Variants in TRABD2A observed in about 807,000 individuals in gnomAD.
TRABD2A encodes metalloprotease TIKI1.
TRABD2A carries 43 observed loss-of-function variants against 45.6 expected under a neutral mutation model. The observed-to-expected ratio is 0.94, with a 90% CI of 0.74 to 1.22. TRABD2A has a LOEUF of 1.22. Among genes scored for constraint, TRABD2A ranks in the 50% most tolerant of loss-of-function variants. TRABD2A has a pLI of 0.00. For synonymous variants in TRABD2A, 269 were observed against 265.0 expected, an observed-to-expected ratio of 1.02 and a Z score of -0.15; for missense variants, 642 against 652.4, an observed-to-expected ratio of 0.98 and a Z score of 0.17.
intron 1 of TRABD2A, among the ~76,000 whole-genome samples, chr2:84,873,370 A>G (rs1309697620): frequency 6.6e-6 from 1 of 152,092 alleles, no homozygotes; most frequent in Non-Finnish European, 1.5e-5. Context: ...CAGTGAGCCA[A>G]GATCCCGCCA....
intron 2 of TRABD2A, among the ~76,000 whole-genome samples, chr2:84,847,849 C>T (rs1231891013): frequency 1.3e-5 from 2 of 152,176 alleles, no homozygotes; most frequent in Admixed American, 6.5e-5. Flanking sequence ...AAAGTGTTGA[C>T]GAGGTCATGC....
At chr2:84,834,413 AAC>A (rs1370960889) in intron 4 of TRABD2A, 2 of 152,252 alleles carry the variant, frequency 1.3e-5, no homozygotes, top group Non-Finnish European at 2.9e-5. Context: ...ATATTTCTAT[AAC>A]AGTTTTATTA....
rs1401657848 is a variant in TRABD2A at position 84,830,329 on chromosome 2, C to T, written c.1082+1726G>A. Among the ~76,000 whole-genome samples, 1 of 152,098 alleles carries T rather than the reference C, an allele frequency of 6.6e-6. No individual in the cohort carries two copies. Among genetic ancestry groups the T allele is most frequent in the Non-Finnish European group, 1.5e-5 (1 of 68,012 alleles). On this transcript the variant is annotated intron_variant, in intron 5 of 6. Transcript: ENST00000409520. The surrounding 1 kb of genome is among the most constrained non-coding windows in gnomAD (Gnocchi z 4.9). ...AGGGCTCCTCAGAAGGGGGAAGTAG[C>T]GTCAGTAAAGGAGAGGCGGGGACGG...
intron 2 of TRABD2A, among the ~76,000 whole-genome samples, chr2:84,848,914 T>C (rs531632612): frequency 1.8e-4 from 28 of 152,038 alleles, no homozygotes; most frequent in African/African-American, 6.0e-4. Context: ...AAGCAGGAAA[T>C]AAAAAGCCCA....
chr2:84,865,507 T>A (rs1399853828), intron 2 of TRABD2A, among the ~76,000 whole-genome samples: 2 of 152,172 alleles, frequency 1.3e-5, no homozygotes, highest in African/African-American at 2.4e-5. Context: ...AGGCTTTGCA[T>A]GTGGAAAGCA....
chr2:84,856,960 G>T (rs1682331925), intron 2 of TRABD2A, among the ~76,000 whole-genome samples: 1 of 152,194 alleles, frequency 6.6e-6, no homozygotes, highest in African/African-American at 2.4e-5. Flanking sequence ...GACCCAACAG[G>T]ACTGTGACCT....
chr2:84,861,298 C>T (rs1682489900), intron 2 of TRABD2A, among the ~76,000 whole-genome samples: 1 of 152,164 alleles, frequency 6.6e-6, no homozygotes, highest in South Asian at 2.1e-4. Flanking sequence ...AAGAATTCTA[C>T]AACTCTCCAT....
chr2:84,866,501 C>A (rs927927974), intron 2 of TRABD2A, among the ~76,000 whole-genome samples: 1 of 152,112 alleles, frequency 6.6e-6, no homozygotes, highest in Non-Finnish European at 1.5e-5. Context: ...GAAAAAAAAT[C>A]TTTGTCTATA....
At chr2:84,875,159 G>A (rs1682987181) in intron 1 of TRABD2A, 1 of 163,840 alleles carries the variant, frequency 6.1e-6, no homozygotes, top group East Asian at 1.9e-4. Context: ...ATGTAAGCCA[G>A]AAAAGGGACA....
At chr2:84,880,789 C>G in intron 1 of TRABD2A, 143 bp downstream of exon 1, 1 of 1,278,964 alleles carries the variant, frequency 7.8e-7, no homozygotes, top group Non-Finnish European at 1.1e-6. Context: ...GGAGAGCGAG[C>G]AAGGAGCGCC....
Position 84,830,628 on chromosome 2 carries a change from A to G in TRABD2A, c.1082+1427T>C, listed in dbSNP as rs1681299741. On this transcript the variant is annotated intron_variant, in intron 5 of 6. Coordinates refer to ENST00000409520, the MANE Select transcript of TRABD2A (RefSeq NM_001277053.2). The surrounding 1 kb of genome is among the most constrained non-coding windows in gnomAD (Gnocchi z 4.9). ...AAGCCAAAAGCCTGGTGGAGAAGGA[A>G]AATGAGCAGTCTCACATCAGCGCTT... Among the ~76,000 whole-genome samples, 1 of 152,190 alleles carries G rather than the reference A, an allele frequency of 6.6e-6. No individual in the cohort carries two copies. Among genetic ancestry groups the G allele is most frequent in the South Asian group, 2.1e-4 (1 of 4,826 alleles).
At chr2:84,835,070 T>G (rs990647128) in intron 4 of TRABD2A, 3 of 152,238 alleles carry the variant, frequency 2.0e-5, no homozygotes, top group South Asian at 2.1e-4. Context: ...ATCTTTTTTA[T>G]TATAGCCTAG....
At chr2:84,832,190 A>G in intron 4 of TRABD2A, 45 bp from the exon 5 acceptor site, 1 of 1,587,002 alleles carries the variant, frequency 6.3e-7, no homozygotes, top group African/African-American at 1.3e-5. Context: ...TCTCAGGACC[A>G]CCAAACATAC....
intron 2 of TRABD2A, among the ~76,000 whole-genome samples, chr2:84,844,261 G>T (rs1681809518): frequency 6.6e-6 from 1 of 152,162 alleles, no homozygotes; most frequent in Non-Finnish European, 1.5e-5. Context: ...GGAGGTAATT[G>T]AATCATGGAG....
intron 4 of TRABD2A, 42 bp downstream of exon 4, chr2:84,839,107 C>G (rs756087605): frequency 6.2e-7 from 1 of 1,606,970 alleles, no homozygotes; most frequent in South Asian, 1.1e-5. Context: ...TTGGGAGAAG[C>G]CTCAGATTTC....
At chr2:84,832,186 G>A (rs572553848) in intron 4 of TRABD2A, 41 bp from the exon 5 acceptor site, 2 of 1,602,468 alleles carry the variant, frequency 1.2e-6, no homozygotes, top group South Asian at 2.2e-5. Context: ...CAGCTCTCAG[G>A]ACCACCAAAC....
At chr2:84,822,386 G>T (rs1236703714) in intron 6 of TRABD2A, among the ~76,000 whole-genome samples, 1 of 152,146 alleles carries the variant, frequency 6.6e-6, no homozygotes, top group East Asian at 1.9e-4. Context: ...GTATAAGGCC[G>T]AATTCAAAGT....
At chr2:84,875,891 G>T (rs780043776) in intron 1 of TRABD2A, among the ~76,000 whole-genome samples, 120 of 152,038 alleles carry the variant, frequency 7.9e-4, no homozygotes, top group Non-Finnish European at 1.5e-3. Context: ...TACTTAGGAG[G>T]TTGAGGTAGG....
intron 2 of TRABD2A, among the ~76,000 whole-genome samples, chr2:84,848,375 T>TAGATAGACAGACAGACAGAC (rs1315427907): frequency 1.2e-5 from 1 of 80,560 alleles, no homozygotes; most frequent in Admixed American, 1.2e-4. Flanking sequence ...GATAGATAGA[T>TAGATAGACAGACAGACAGAC]AGACAGACAG....
Sources: gnomAD v4.1 joint callset for allele counts (sites outside exome capture counted in the v4.1 genomes callset) on GRCh38, gnomAD v4.1.1 for gene constraint, Gnocchi (gnomAD v3.1) non-coding constraint, MANE v1.5 for transcripts, NCBI Gene and HGNC (gene_info 2026-07-23, HGNC 2026-07-21) for gene names.